PDHX: variants seen among roughly 807,000 people sequenced by gnomAD.
The protein encoded by PDHX is pyruvate dehydrogenase protein X component, mitochondrial.
In PDHX, 33 loss-of-function variants were observed where a neutral mutation model predicts 55.3. That is an observed-to-expected ratio of 0.60 (90% CI 0.45 to 0.80). The LOEUF (loss-of-function observed/expected upper bound fraction) is 0.80, where lower values mean the gene tolerates loss of function less well. Ranked by LOEUF, PDHX falls within the 30% of genes least tolerant of loss-of-function variation. The pLI is 0.00. For synonymous variants in PDHX, 226 were observed against 219.4 expected (o/e 1.03, Z -0.27); for missense variants, 622 against 619.9 (o/e 1.00, Z -0.04).
At chr11:34,916,343 T>A, upstream of PDHX, 1 of 1,595,670 alleles carries the variant, frequency 6.3e-7, no homozygotes, top group Non-Finnish European at 8.5e-7. Flanking sequence ...GCGCGGCGCT[T>A]AGCCTGGGAT....
intron 5 of PDHX, among the ~76,000 whole-genome samples, chr11:34,961,167 G>A (rs564779406): frequency 2.5e-4 from 38 of 152,184 alleles, no homozygotes; most frequent in Non-Finnish European, 1.9e-4. Context: ...ATGGGTAGGA[G>A]TGAGGGGTAT....
chr11:34,934,460 C>T (rs187309874), intron 2 of PDHX, among the ~76,000 whole-genome samples: 110 of 151,358 alleles, frequency 7.3e-4, no homozygotes, highest in African/African-American at 2.6e-3. Context: ...CTATAGCATA[C>T]AAGAGATTTG....
At chr11:34,985,014 T>G in intron 9 of PDHX, 1 of 346,482 alleles carries the variant, frequency 2.9e-6, no homozygotes, top group Non-Finnish European at 5.3e-6. Context: ...AAGTCCAGAA[T>G]TCAGCCATAA....
upstream of PDHX, chr11:34,916,060 G>T (rs1221064743): frequency 5.7e-6 from 5 of 876,198 alleles, no homozygotes; most frequent in African/African-American, 1.7e-5. Flanking sequence ...TCGCAGCCTT[G>T]CTTCCGAACG....
At chr11:34,988,460 C>A (rs1395069557) in intron 9 of PDHX, among the ~76,000 whole-genome samples, 1 of 152,036 alleles carries the variant, frequency 6.6e-6, no homozygotes, top group Non-Finnish European at 1.5e-5. Context: ...CTCCTCCCAA[C>A]CACTCAGCTT....
At chr11:34,932,889 A>G (rs1276125877) in intron 2 of PDHX, among the ~76,000 whole-genome samples, 2 of 152,212 alleles carry the variant, frequency 1.3e-5, no homozygotes, top group Non-Finnish European at 2.9e-5. Context: ...CTGTATCTAC[A>G]CCTGTAAAAA....
chr11:34,980,352 C>CTTTTTTTTTTTT (rs57927359), intron 8 of PDHX, among the ~76,000 whole-genome samples: 3,791 of 74,274 alleles, frequency 0.051, 1,142 homozygotes, highest in Non-Finnish European at 0.059. Context: ...AAGATAGTTT[C>CTTTTTTTTTTTT]TTTTTTTTTT....
chr11:34,992,192 A>G (rs914598805), intron 9 of PDHX, 123 bp from the exon 10 acceptor site: 68 of 630,830 alleles, frequency 1.1e-4, no homozygotes, highest in Admixed American at 3.1e-4. Flanking sequence ...ATTTTTATAT[A>G]GGTAACAAAA....
At chr11:34,916,232 G>A (rs1282406610), upstream of PDHX, 5 of 1,611,630 alleles carry the variant, frequency 3.1e-6, no homozygotes, top group Non-Finnish European at 4.2e-6. Flanking sequence ...CCCTACCTGC[G>A]CGCCGCATCT....
chr11:34,935,145 G>T (rs953175781), intron 2 of PDHX, among the ~76,000 whole-genome samples: 1 of 151,654 alleles, frequency 6.6e-6, no homozygotes, highest in Admixed American at 6.6e-5. Flanking sequence ...TACCACTTTT[G>T]TATAATTCAA....
chr11:34,918,884 T>A (rs1473719160), intron 1 of PDHX, among the ~76,000 whole-genome samples: 1 of 152,200 alleles, frequency 6.6e-6, no homozygotes. Flanking sequence ...GCTGGTTCAG[T>A]CTTTATCACA....
chr11:34,985,618 G>T (rs1478520239), intron 9 of PDHX, among the ~76,000 whole-genome samples: 1 of 152,138 alleles, frequency 6.6e-6, no homozygotes, highest in Non-Finnish European at 1.5e-5. Flanking sequence ...ATTTCCAAGG[G>T]TATTTTTTGA....
chr11:34,918,806 C>G (rs3763924), intron 1 of PDHX, among the ~76,000 whole-genome samples: 28,813 of 152,132 alleles, frequency 0.19, 3,899 homozygotes, highest in African/African-American at 0.39. Flanking sequence ...AGACCCCATT[C>G]CCTTAAGTTT....
At chr11:34,919,005 T>C (rs1200327768) in intron 1 of PDHX, among the ~76,000 whole-genome samples, 1 of 152,198 alleles carries the variant, frequency 6.6e-6, no homozygotes. Context: ...CAAGGTTGAG[T>C]AGAAACCTTA....
At position 34,984,728 on chromosome 11, in the gene PDHX, G is replaced by T. The variant is rs1324275590; in HGVS notation, c.1182G>T (p.Lys394Asn). Residue 394 changes from lysine to asparagine, a missense_variant and splice_region_variant, in exon 9 of 11, where the codon AAG becomes AAT. Physicochemically the swap from Lys to Asn is moderately conservative, Grantham distance 94 (BLOSUM62 0). Coordinates refer to ENST00000227868, the MANE Select transcript of PDHX (RefSeq NM_003477.3). ...KGIQEIADSV[K>N]ALSKKARDGK... ...TCCAGGAAATTGCTGACTCTGTAAAGGTATGTCTTAAGAAAGAGTGTGCTT... is the reference window on the plus strand; with the variant it reads ...TCCAGGAAATTGCTGACTCTGTAAATGTATGTCTTAAGAAAGAGTGTGCTT... 1 of 1,613,446 alleles carries T rather than the reference G, an allele frequency of 6.2e-7. No homozygotes were observed. Among genetic ancestry groups the T allele is most frequent in the Non-Finnish European group, 8.5e-7 (1 of 1,179,560 alleles).
In PDHX at chr11:34,960,442, C is replaced by T. The variant is rs150572021; in HGVS notation, c.565C>T (p.Arg189Cys). ...TAGGTTCCGTTTAAGTCCAGCTGCC[C>T]GCAATATTCTGGAAAAACACTCACT... ...TLRFRLSPAA[R>C]NILEKHSLDA... Residue 189 changes from arginine (R) to cysteine (C), a missense_variant, in exon 5 of 11, where the codon CGC (arginine) becomes TGC (cysteine). Arg to Cys is a radical substitution (Grantham distance 180, BLOSUM62 -3). Transcript: ENST00000227868. The T allele has an allele frequency of 1.3e-5, 21 of 1,612,708 alleles. No homozygotes were observed. The highest frequency in any genetic ancestry group is 5.5e-5 in the South Asian group (5 of 91,052).
intron 2 of PDHX, among the ~76,000 whole-genome samples, chr11:34,945,000 CTT>C (rs1854588589): frequency 6.6e-6 from 1 of 151,838 alleles, no homozygotes; most frequent in South Asian, 2.1e-4. Flanking sequence ...AGATAATCAA[CTT>C]CTTATTTTTC....
Position 34,994,242 on chromosome 11 carries a change from A to C in PDHX, c.1248-672A>C, listed in dbSNP as rs537045360. Among the ~76,000 whole-genome samples, 7 of 152,342 alleles carry C rather than the reference A, an allele frequency of 4.6e-5. No individual in the cohort carries two copies. The East Asian group carries it at 1.3e-3, about 29-fold the overall frequency. ...CCAGTTGCTCCTAGACTGCAAACCT[A>C]TACAGCATGTTACTCTACTGAATAC... On this transcript the variant is annotated intron_variant, in intron 10 of 10. Coordinates refer to ENST00000227868, the MANE Select transcript of PDHX (RefSeq NM_003477.3).
chr11:34,965,123 C>T (rs561532370), intron 5 of PDHX, among the ~76,000 whole-genome samples: 2 of 152,126 alleles, frequency 1.3e-5, no homozygotes, highest in Admixed American at 6.5e-5. Flanking sequence ...CATAGCATGG[C>T]CAGGTTCTGA....
Sources: gnomAD v4.1 joint callset for allele counts (sites outside exome capture counted in the v4.1 genomes callset) on GRCh38, gnomAD v4.1.1 for gene constraint, MANE v1.5 for transcripts, NCBI Gene and HGNC (gene_info 2026-07-23, HGNC 2026-07-21) for gene names.